Variants in PCDHGA2 observed in about 807,000 individuals in gnomAD.
PCDHGA2 encodes protocadherin gamma subfamily A, 2.
A neutral mutation model predicts 59.2 loss-of-function variants in PCDHGA2; 40 were observed. The observed-to-expected ratio is 0.68, with a 90% CI of 0.52 to 0.88. The LOEUF is 0.88. Among genes scored for constraint, PCDHGA2 ranks in the 40% least tolerant of loss-of-function variants. The probability of loss-of-function intolerance (pLI) is 0.00; values close to 1 mark genes in which losing one functional copy is unlikely to be tolerated. For synonymous variants in PCDHGA2, 560 were observed against 526.0 expected (o/e 1.06, Z -0.89); for missense variants, 1,226 against 1,204.0 (o/e 1.02, Z -0.27).
chr5:141,343,918 G>A, intron 1 of PCDHGA2: 1 of 951,184 alleles, frequency 1.1e-6, no homozygotes, highest in South Asian at 2.1e-5. Context: ...TAGTCAACCA[G>A]CTGTTTGACC....
At chr5:141,394,717 G>A (rs1403492553) in intron 1 of PCDHGA2, 1 of 1,613,320 alleles carries the variant, frequency 6.2e-7, no homozygotes, top group East Asian at 2.2e-5. Flanking sequence ...CTGCTGGACA[G>A]AGATGCGCTC....
chr5:141,388,016 C>T lies in PCDHGA2; in HGVS notation c.2424+46621C>T, dbSNP rs1026420398. Reference sequence around the variant, plus strand: ...GGATTCCCGAGGAAATGCCCAAGGGCTCCGTAGTGGGGAACCTCGCCACGG... The same window carrying T: ...GGATTCCCGAGGAAATGCCCAAGGGTTCCGTAGTGGGGAACCTCGCCACGG... On this transcript the variant is annotated intron_variant, in intron 1 of 3. Coordinates refer to ENST00000394576, the MANE Select transcript of PCDHGA2 (RefSeq NM_018915.4). 4.1e-6 allele frequency: 6 copies of T among 1,465,422 alleles called. No individual in the cohort carries two copies. In the African/African-American group the frequency reaches 7.1e-5, roughly 17 times the overall value. The allele number at this position is 1,465,422 out of a possible 1,614,324, so 90.8% of individuals were successfully genotyped here.
At chr5:141,480,240 C>CA (rs11374694) in intron 1 of PCDHGA2, among the ~76,000 whole-genome samples, 21,591 of 113,808 alleles carry the variant, frequency 0.19, 1,578 homozygotes, top group Admixed American at 0.21. Context: ...CCTGTCTCTA[C>CA]AAAAAAAAAA....
intron 1 of PCDHGA2, chr5:141,408,114 C>G: frequency 6.8e-7 from 1 of 1,461,086 alleles, no homozygotes; most frequent in East Asian, 2.5e-5. Flanking sequence ...CGGGACTCCT[C>G]CTGTCCTGGG....
chr5:141,409,231 C>T (rs756486864), intron 1 of PCDHGA2: 7 of 1,613,926 alleles, frequency 4.3e-6, no homozygotes, highest in Admixed American at 3.3e-5. Flanking sequence ...AAAACGACAA[C>T]AGCCCAGAAA....
chr5:141,404,705 G>A, intron 1 of PCDHGA2: 2 of 1,614,108 alleles, frequency 1.2e-6, no homozygotes, highest in South Asian at 2.2e-5. Flanking sequence ...TGCAGAGCCT[G>A]GCTACCTGGT....
chr5:141,420,075 G>A (rs893749179), intron 1 of PCDHGA2: 17 of 1,613,944 alleles, frequency 1.1e-5, no homozygotes, highest in Admixed American at 6.7e-5. Context: ...GGACCTGTGG[G>A]TCCCCCCAAC....
At chr5:141,384,215 T>C in intron 1 of PCDHGA2, 1 of 1,613,862 alleles carries the variant, frequency 6.2e-7, no homozygotes, top group Non-Finnish European at 8.5e-7. Flanking sequence ...ACTCACATAT[T>C]CATGCAGGTG....
At chr5:141,366,612 C>A (rs780105196) in intron 1 of PCDHGA2, 3 of 1,614,118 alleles carry the variant, frequency 1.9e-6, no homozygotes, top group African/African-American at 1.3e-5. Flanking sequence ...TCCCTCACCG[C>A]GGACTCGAGG....
Position 141,485,057 on chromosome 5 carries a change from C to A in PCDHGA2, c.2425-9750C>A, listed in dbSNP as rs2099605934. ...GTAACCCTTGCGGCGCCGGCCGAACCGCGCCAGAGCTGGCGCGGGGAAAGG... is the reference window on the plus strand; with the variant it reads ...GTAACCCTTGCGGCGCCGGCCGAACAGCGCCAGAGCTGGCGCGGGGAAAGG... On this transcript the variant is annotated intron_variant, in intron 1 of 3. Coordinates refer to ENST00000394576, the MANE Select transcript of PCDHGA2 (RefSeq NM_018915.4). The surrounding 1 kb of genome is among the most constrained non-coding windows in gnomAD (Gnocchi z 5.7). The A allele has an allele frequency of 2.4e-6, 2 of 843,718 alleles. No homozygotes were observed. Among genetic ancestry groups the A allele is most frequent in the South Asian group, 1.7e-5 (1 of 59,950 alleles). 52.3% of individuals were successfully genotyped at this position (843,718 alleles called of 1,614,324 possible).
chr5:141,356,470 G>A lies in PCDHGA2; in HGVS notation c.2424+15075G>A, dbSNP rs1200759848. 7.4e-6 allele frequency: 12 copies of A among 1,613,636 alleles called. No individual in the cohort carries two copies. In the Middle Eastern group the frequency reaches 4.9e-4, roughly 66 times the overall value. On this transcript the variant is annotated intron_variant, in intron 1 of 3. Transcript: ENST00000394576. Reference sequence around the variant, plus strand: ...CTCAGAATATAACATCACTGTAACTGCCACTGACCAGGGAACTCCTCCACT... The same window carrying A: ...CTCAGAATATAACATCACTGTAACTACCACTGACCAGGGAACTCCTCCACT...
rs762408704 is a variant in PCDHGA2 at position 141,486,335 on chromosome 5, C to G, written c.2425-8472C>G. 6.2e-7 allele frequency: 1 copy of G among 1,613,936 alleles called. No individual in the cohort carries two copies. The highest frequency in any genetic ancestry group is 8.5e-7 in the Non-Finnish European group (1 of 1,180,002). ...AGGGTCAAACGGAGATGTGAGCCTC[C>G]GCATTCCTGACCACTTGCCATTTGC... On this transcript the variant is annotated intron_variant, in intron 1 of 3. Transcript: ENST00000394576. This position sits in a 1 kb window ranked among gnomAD's most constrained non-coding sequence, Gnocchi z 5.0.
chr5:141,364,417 G>A, intron 1 of PCDHGA2: 1 of 1,613,362 alleles, frequency 6.2e-7, no homozygotes. Context: ...CAGGATCCGG[G>A]CAGATCCGCT....
At position 141,511,575 on chromosome 5, in the gene PCDHGA2, T is replaced by C. The variant is rs930675653; in HGVS notation, c.*402T>C. On this transcript the variant is annotated 3_prime_UTR_variant, in exon 4 of 4. Transcript: ENST00000394576. ...AGTTCCTCTTTCCCGAGTAAGGTGG[T>C]TGGGGTGTTGAAGTACCAAGTAACC... 28 of 287,258 alleles carry C rather than the reference T, an allele frequency of 9.7e-5. No individual in the cohort carries two copies. Among genetic ancestry groups the C allele is most frequent in the Middle Eastern group, 1.3e-3 (1 of 784 alleles). The allele number at this position is 287,258 out of a possible 1,614,324, so 17.8% of individuals were successfully genotyped here.
Position 141,489,173 on chromosome 5 carries a change from C to T in PCDHGA2, c.2425-5634C>T. 8.3e-7 allele frequency: 1 copy of T among 1,208,434 alleles called. No individual in the cohort carries two copies. Among genetic ancestry groups the T allele is most frequent in the Non-Finnish European group, 1.2e-6 (1 of 860,944 alleles). The allele number at this position is 1,208,434 out of a possible 1,614,324, so 74.9% of individuals were successfully genotyped here. ...CATAAGAGACTTCAGCTGCTGCATTCCAAGCCCTGGGTCTACCTTGGAGAC... is the reference window on the plus strand; with the variant it reads ...CATAAGAGACTTCAGCTGCTGCATTTCAAGCCCTGGGTCTACCTTGGAGAC... On this transcript the variant is annotated intron_variant, in intron 1 of 3. Coordinates refer to ENST00000394576, the MANE Select transcript of PCDHGA2 (RefSeq NM_018915.4). The surrounding 1 kb of genome is among the most constrained non-coding windows in gnomAD (Gnocchi z 4.5).
chr5:141,431,553 A>T lies in PCDHGA2; in HGVS notation c.2425-63254A>T, dbSNP rs762863300. On this transcript the variant is annotated intron_variant, in intron 1 of 3. Coordinates refer to ENST00000394576, the MANE Select transcript of PCDHGA2 (RefSeq NM_018915.4). The surrounding 1 kb of genome is among the most constrained non-coding windows in gnomAD (Gnocchi z 4.8). Reference sequence around the variant, plus strand: ...TTGGGCACGCAGCTGCTTGTAGTCAACGCTACCGACCCTGACGAAGGAGTC... The same window carrying T: ...TTGGGCACGCAGCTGCTTGTAGTCATCGCTACCGACCCTGACGAAGGAGTC... The T allele has an allele frequency of 1.1e-5, 18 of 1,613,994 alleles. 1 individual carries two copies. Among genetic ancestry groups the T allele is most frequent in the Non-Finnish European group, 3.4e-6 (4 of 1,180,028 alleles).
chr5:141,341,237 G>A lies in PCDHGA2; in HGVS notation c.2266G>A (p.Glu756Lys), dbSNP rs1165498415. 1.2e-6 allele frequency: 2 copies of A among 1,614,060 alleles called. No homozygotes were observed. Among genetic ancestry groups the A allele is most frequent in the Admixed American group, 1.7e-5 (1 of 60,002 alleles). ...GGCTTTCCTGCAGACCTATTCCCAC[G>A]AGGTCTCCCTCACTGCGGACTCGCG... ...VRAFLQTYSH[E>K]VSLTADSRKS... The change falls in exon 1 of 4, where the codon GAG (glutamate) becomes AAG (lysine). Residue 756 changes from glutamate to lysine, a missense_variant. Transcript: ENST00000394576.
At chr5:141,419,586 A>T (rs1440548961) in intron 1 of PCDHGA2, 1 of 1,611,696 alleles carries the variant, frequency 6.2e-7, no homozygotes, top group Non-Finnish European at 8.5e-7. Context: ...GCGCTCTTCG[A>T]CACAGTGCCG....
rs181597586 is a variant in PCDHGA2, at chr5:141,345,479, C to T, written c.2424+4084C>T. On this transcript the variant is annotated intron_variant, in intron 1 of 3. Coordinates refer to ENST00000394576, the MANE Select transcript of PCDHGA2 (RefSeq NM_018915.4). The stretch of plus-strand genomic sequence containing the variant: ...TGACAGCCCAGGACCCAGATAGCAA[C>T]AACAACGCCCGCATCACTTATGCAT... The T allele has an allele frequency of 4.9e-5, 79 of 1,614,150 alleles. No homozygotes were observed. The Admixed American group carries it at 1.3e-3, about 26-fold the overall frequency.
Sources: gnomAD v4.1 joint callset for allele counts (sites outside exome capture counted in the v4.1 genomes callset) on GRCh38, gnomAD v4.1.1 for gene constraint, Gnocchi (gnomAD v3.1) non-coding constraint, MANE v1.5 for transcripts, NCBI Gene and HGNC (gene_info 2026-07-23, HGNC 2026-07-21) for gene names.